The following ENOX1 variants were observed in gnomAD, a reference collection of about 807,000 sequenced individuals.
ENOX1 encodes the protein ecto-NOX disulfide-thiol exchanger 1.
ENOX1 carries 42 observed loss-of-function variants against 82.5 expected under a neutral mutation model. That is an observed-to-expected ratio of 0.51 (90% CI 0.40 to 0.66). The LOEUF (loss-of-function observed/expected upper bound fraction) is 0.66, where lower values mean the gene tolerates loss of function less well. Ranked by LOEUF, ENOX1 falls within the 30% of genes least tolerant of loss-of-function variation. The pLI is 0.00. For synonymous variants in ENOX1, 271 were observed against 282.2 expected, an observed-to-expected ratio of 0.96 and a Z score of 0.40; for missense variants, 608 against 811.6, an observed-to-expected ratio of 0.75 and a Z score of 3.05.
In ENOX1 at chr13:43,361,353, G is replaced by T. The variant is rs1158543896; in HGVS notation, c.308C>A (p.Pro103Gln). 3.1e-6 allele frequency: 5 copies of T among 1,614,042 alleles called. No individual in the cohort carries two copies. The highest frequency in any genetic ancestry group is 4.2e-6 in the Non-Finnish European group (5 of 1,179,958). The change falls in exon 6 of 17, where the codon CCA becomes CAA. Residue 103 changes from proline to glutamine, a missense_variant. Coordinates refer to ENST00000690772, the MANE Select transcript of ENOX1 (RefSeq NM_001347969.2). Reference sequence around the variant, plus strand: ...GACAACAGCCACTTCTGTTGGTGGTGGGGGAGGTACCAGTCCAAGGCCTGG... The same window carrying T: ...GACAACAGCCACTTCTGTTGGTGGTTGGGGAGGTACCAGTCCAAGGCCTGG... ...MIPGLGLVPP[P>Q]PPTEVAVVKE...
chr13:43,512,200 G>A (rs773252004), intron 2 of ENOX1, among the ~76,000 whole-genome samples: 8 of 151,978 alleles, frequency 5.3e-5, no homozygotes, highest in African/African-American at 1.4e-4. Context: ...GAGTTGTCCC[G>A]GAGTCACAGA....
At chr13:43,493,151 C>T (rs541513945) in intron 2 of ENOX1, among the ~76,000 whole-genome samples, 36 of 152,090 alleles carry the variant, frequency 2.4e-4, no homozygotes, top group African/African-American at 7.7e-4. Flanking sequence ...TCTCTCTCTC[C>T]CCCCTCCCAC....
At chr13:43,683,752 T>C (rs559983700) in intron 1 of ENOX1, among the ~76,000 whole-genome samples, 12 of 152,052 alleles carry the variant, frequency 7.9e-5, no homozygotes, top group Admixed American at 2.0e-4. Flanking sequence ...TACCGTGTAG[T>C]TGAATGTCTT....
At chr13:43,448,132 C>T (rs2153628721) in intron 3 of ENOX1, among the ~76,000 whole-genome samples, 1 of 152,304 alleles carries the variant, frequency 6.6e-6, no homozygotes, top group African/African-American at 2.4e-5. Context: ...TTTTGCACTG[C>T]TTTGATTTTA....
At chr13:43,334,012 C>T (rs2153536371) in intron 9 of ENOX1, among the ~76,000 whole-genome samples, 2 of 152,356 alleles carry the variant, frequency 1.3e-5, no homozygotes, top group South Asian at 4.1e-4. Context: ...AGTGTGGCCC[C>T]TGGACCAGCA....
chr13:43,318,526 C>T (rs77033709), intron 11 of ENOX1, among the ~76,000 whole-genome samples: 1,715 of 152,242 alleles, frequency 0.011, 40 homozygotes, highest in African/African-American at 0.038. Context: ...GAATTTTGTA[C>T]GTATAAAGTT....
chr13:43,250,721 A>G lies in ENOX1; in HGVS notation c.1612-13983T>C, dbSNP rs1593532956. On this transcript the variant is annotated intron_variant, in intron 14 of 16. Transcript: ENST00000690772. ...ATAAGGGTACATTTTGTGTTAAGAC[A>G]ACAAGATTCAAAGATGAATAATAGT... 3.3e-5 allele frequency among the ~76,000 whole-genome samples: 5 copies of G among 152,386 alleles called. 1 individual carries two copies. Among genetic ancestry groups the G allele is most frequent in the Admixed American group, 3.3e-4 (5 of 15,308 alleles).
intron 2 of ENOX1, among the ~76,000 whole-genome samples, chr13:43,651,264 GA>G (rs1470995310): frequency 2.0e-5 from 3 of 152,154 alleles, no homozygotes; most frequent in African/African-American, 7.2e-5. Context: ...GGAAGAGGGG[GA>G]GGGAAGGAGG....
chr13:43,302,058 TTTACC>T (rs1409501472), intron 11 of ENOX1, among the ~76,000 whole-genome samples: 4 of 151,558 alleles, frequency 2.6e-5, no homozygotes, highest in Non-Finnish European at 5.9e-5. Context: ...CATAATAAAA[TTTACC>T]TTATGAGACT....
At chr13:43,508,185 T>G (rs1045901344) in intron 2 of ENOX1, among the ~76,000 whole-genome samples, 3 of 151,958 alleles carry the variant, frequency 2.0e-5, no homozygotes, top group Non-Finnish European at 2.9e-5. Flanking sequence ...TCACGAGAGC[T>G]CCATCCTCAT....
intron 1 of ENOX1, among the ~76,000 whole-genome samples, chr13:43,755,906 G>T (rs1220534821): frequency 6.6e-6 from 1 of 152,108 alleles, no homozygotes; most frequent in Non-Finnish European, 1.5e-5. Flanking sequence ...GCCAGCCCAT[G>T]GTTCATTACC....
chr13:43,568,020 C>T (rs1440552818), intron 2 of ENOX1, among the ~76,000 whole-genome samples: 1 of 152,136 alleles, frequency 6.6e-6, no homozygotes, highest in Non-Finnish European at 1.5e-5. Flanking sequence ...CTAAAAAACA[C>T]AGAAATGCTC....
At chr13:43,427,682 A>T (rs1330008021) in intron 3 of ENOX1, among the ~76,000 whole-genome samples, 1 of 152,220 alleles carries the variant, frequency 6.6e-6, no homozygotes, top group Non-Finnish European at 1.5e-5. Flanking sequence ...CAAGACATAG[A>T]CCCTGTCTTC....
intron 11 of ENOX1, among the ~76,000 whole-genome samples, chr13:43,299,147 G>A (rs1386225645): frequency 6.6e-6 from 1 of 152,140 alleles, no homozygotes; most frequent in Non-Finnish European, 1.5e-5. Context: ...ACAAGGCTGA[G>A]TGGTTACTCT....
Position 43,412,012 on chromosome 13 carries a change from G to T in ENOX1, c.112C>A (p.Leu38Ile), listed in dbSNP as rs200423342. The change falls in exon 5 of 17, where the codon CTC (leucine) becomes ATC (isoleucine). Residue 38 changes from leucine (L) to isoleucine (I), a missense_variant. Transcript: ENST00000690772. Reference sequence around the variant, plus strand: ...GTGGGATCTGTCACGGACATGTTGAGCTGGGTCGTGTCTATCGCTATACTC... The same window carrying T: ...GTGGGATCTGTCACGGACATGTTGATCTGGGTCGTGTCTATCGCTATACTC... ...LGSIAIDTTQ[L>I]NMSVTDPTAW... The T allele has an allele frequency of 2.3e-5, 37 of 1,614,076 alleles. No homozygotes were observed. Among genetic ancestry groups the T allele is most frequent in the Non-Finnish European group, 3.0e-5 (35 of 1,180,044 alleles).
chr13:43,425,514 T>G (rs1487934834), intron 3 of ENOX1, among the ~76,000 whole-genome samples: 3 of 152,186 alleles, frequency 2.0e-5, no homozygotes, highest in Admixed American at 1.3e-4. Flanking sequence ...AAATCCTTCC[T>G]TACAAGGAGA....
chr13:43,620,802 T>G (rs1292559634), intron 2 of ENOX1, among the ~76,000 whole-genome samples: 4 of 152,230 alleles, frequency 2.6e-5, no homozygotes, highest in Non-Finnish European at 5.9e-5. Flanking sequence ...GTTTCTTTGT[T>G]GACTTTCTGT....
At chr13:43,424,151 T>G (rs762004305) in intron 3 of ENOX1, among the ~76,000 whole-genome samples, 1 of 152,234 alleles carries the variant, frequency 6.6e-6, no homozygotes, top group Non-Finnish European at 1.5e-5. Context: ...GCAATGTTGG[T>G]CACATCCCGG....
intron 10 of ENOX1, among the ~76,000 whole-genome samples, chr13:43,324,707 G>A (rs1235746773): frequency 6.6e-6 from 1 of 151,994 alleles, no homozygotes; most frequent in African/African-American, 2.4e-5. Context: ...CTGTCCTTCT[G>A]GAGCATCATT....
Sources: gnomAD v4.1 joint callset for allele counts (sites outside exome capture counted in the v4.1 genomes callset) on GRCh38, gnomAD v4.1.1 for gene constraint, MANE v1.5 for transcripts, NCBI Gene and HGNC (gene_info 2026-07-23, HGNC 2026-07-21) for gene names.